FRYL: variants seen among roughly 807,000 people sequenced by gnomAD.
FRYL encodes protein furry homolog-like.
In FRYL, 150 loss-of-function variants were observed where a neutral mutation model predicts 351.2. The ratio of observed to expected loss-of-function variants is 0.43; its 90% confidence interval spans 0.37 to 0.49. The LOEUF (loss-of-function observed/expected upper bound fraction) is 0.49, where lower values mean the gene tolerates loss of function less well. Ranked by LOEUF, FRYL falls within the 20% of genes least tolerant of loss-of-function variation. The pLI is 0.00. For synonymous variants in FRYL, 1,153 were observed against 1,257.1 expected, an observed-to-expected ratio of 0.92 and a Z score of 1.75; for missense variants, 3,036 against 3,619.3, an observed-to-expected ratio of 0.84 and a Z score of 4.13.
At chr4:48,514,565 A>G (rs1723161462) in intron 56 of FRYL, among the ~76,000 whole-genome samples, 1 of 152,244 alleles carries the variant, frequency 6.6e-6, no homozygotes, top group African/African-American at 2.4e-5. Context: ...TCTAGCATCT[A>G]AGAAATAATT....
chr4:48,693,914 G>A lies in FRYL; in HGVS notation c.-203-9119C>T, dbSNP rs1404040906. ...ATTAAATAATCCAAATTCTCTTGGT[G>A]ACTAAATCGCATCTTGGTACCAAGT... On this transcript the variant is annotated intron_variant, in intron 2 of 63. Coordinates refer to ENST00000358350, the MANE Select transcript of FRYL (RefSeq NM_015030.2). Among the ~76,000 whole-genome samples the A allele has an allele frequency of 3.3e-5, 5 of 152,176 alleles. No individual in the cohort carries two copies. In the East Asian group the frequency reaches 9.6e-4, roughly 29 times the overall value.
In FRYL at chr4:48,565,643, A is replaced by T; in HGVS notation, c.3218T>A (p.Leu1073Gln). 6.2e-7 allele frequency: 1 copy of T among 1,613,962 alleles called. No homozygotes were observed. The change falls in exon 29 of 64, where the codon CTA becomes CAA. Residue 1073 changes from leucine (L) to glutamine (Q), a missense_variant. Transcript: ENST00000358350. ...IFPQQSLRHS[L>Q]FMLFSHWAGP... ...TGCCCAGTGACTGAACAGCATAAAT[A>T]GACTGTGACGAAGGCTCTGTTGAGG... is the stretch of plus-strand genomic sequence containing the variant.
chr4:48,504,340 G>A (rs73144660), intron 60 of FRYL, among the ~76,000 whole-genome samples: 1,972 of 152,148 alleles, frequency 0.013, 45 homozygotes, highest in African/African-American at 0.045. Flanking sequence ...TTTCCACTTC[G>A]TAGAAAACCT....
chr4:48,583,052 TAATC>T (rs1274105389), intron 19 of FRYL, among the ~76,000 whole-genome samples: 4 of 152,210 alleles, frequency 2.6e-5, no homozygotes, highest in African/African-American at 9.7e-5. Context: ...TGTTATCTTA[TAATC>T]AATCAAAAAT....
At chr4:48,543,765 T>C (rs1730738909) in intron 44 of FRYL, 42 bp downstream of exon 44, 2 of 1,552,648 alleles carry the variant, frequency 1.3e-6, no homozygotes, top group African/African-American at 1.4e-5. Context: ...CCTTGACAAC[T>C]AGTAGCTGCT....
chr4:48,606,445 A>T lies in FRYL; in HGVS notation c.734T>A (p.Phe245Tyr), dbSNP rs887778474. 3 of 1,607,386 alleles carry T rather than the reference A, an allele frequency of 1.9e-6. No individual in the cohort carries two copies. The African/African-American group carries it at 4.0e-5, about 22-fold the overall frequency. ...PVEDFEASFQ[F>Y]MQECAQYFLE... ...ATTTAGAAGGTATATCACCTGCATA[A>T]ATTGAAATGATGCTTCAAAATCTTC... The change falls in exon 10 of 64, where the codon TTT becomes TAT. Residue 245 changes from phenylalanine to tyrosine, a missense_variant. Phe to Tyr is a conservative substitution (Grantham distance 22, BLOSUM62 3). Around this residue, in one of 7 missense-constraint regions of FRYL, gnomAD observed 457 missense variants for 566.6 expected, o/e 0.81. Transcript: ENST00000358350.
rs1762812043 is a variant in FRYL, at chr4:48,671,882, A to AC, written c.-81+12790_-81+12791insG. Among the ~76,000 whole-genome samples the AC allele has an allele frequency of 4.0e-5, 6 of 148,204 alleles. 1 individual carries two copies. Among genetic ancestry groups the AC allele is most frequent in the African/African-American group, 1.5e-4 (6 of 40,744 alleles). On this transcript the variant is annotated intron_variant, in intron 3 of 63. Transcript: ENST00000358350. ...ACAAAAAAAAAAAAAACAAAAAAAAAAAAAAAAAAGAAGGAAAGACAGAAA... is the reference window on the plus strand; with the variant it reads ...ACAAAAAAAAAAAAAACAAAAAAAAACAAAAAAAAAGAAGGAAAGACAGAAA...
intron 1 of FRYL, among the ~76,000 whole-genome samples, chr4:48,712,928 C>A (rs1361225017): frequency 6.6e-6 from 1 of 152,174 alleles, no homozygotes; most frequent in Non-Finnish European, 1.5e-5. Context: ...CAATATTCAA[C>A]ATTTTTAAAG....
rs1451600215 is a variant in FRYL at position 48,593,941 on chromosome 4, T to C, written c.1324A>G (p.Ile442Val). The change falls in exon 16 of 64, where the codon ATT (isoleucine) becomes GTT (valine). Residue 442 changes from isoleucine (I) to valine (V), a missense_variant. By Grantham distance (29) the Ile-to-Val change is conservative. Transcript: ENST00000358350. The stretch of plus-strand genomic sequence containing the variant: ...TATAATTTTTTTACCTCTGGATTAA[T>C]GGTGAAAGTTTTAGTAGATTTTCCA... ...SVGKSTKTFT[I>V]NPERMNIGLR... The C allele has an allele frequency of 7.1e-7, 1 of 1,399,992 alleles. No individual in the cohort carries two copies. The highest frequency in any genetic ancestry group is 9.5e-7 in the Non-Finnish European group (1 of 1,050,326). The allele number at this position is 1,399,992 out of a possible 1,614,324, so 86.7% of individuals were successfully genotyped here. A position where few individuals can be genotyped will look rare whatever the true frequency, so the allele number is the denominator to read the frequency against.
chr4:48,692,540 A>G (rs1765768877), intron 2 of FRYL, among the ~76,000 whole-genome samples: 1 of 152,048 alleles, frequency 6.6e-6, no homozygotes, highest in Non-Finnish European at 1.5e-5. Flanking sequence ...CTACAGGCAC[A>G]TGCCACCACA....
intron 2 of FRYL, among the ~76,000 whole-genome samples, chr4:48,701,161 TA>T (rs1766673749): frequency 6.6e-6 from 1 of 152,196 alleles, no homozygotes; most frequent in African/African-American, 2.4e-5. Context: ...ATATTTCAGA[TA>T]ACAAAAATTC....
intron 3 of FRYL, among the ~76,000 whole-genome samples, chr4:48,644,319 C>T (rs567504609): frequency 6.6e-6 from 1 of 151,992 alleles, no homozygotes; most frequent in Admixed American, 6.6e-5. Flanking sequence ...GAAGAATAAA[C>T]ACTCAAGAAA....
At chr4:48,671,486 G>A (rs758683785) in intron 3 of FRYL, among the ~76,000 whole-genome samples, 6 of 151,934 alleles carry the variant, frequency 3.9e-5, no homozygotes, top group Admixed American at 6.6e-5. Flanking sequence ...TGGCCAACAC[G>A]GTGAAACCCC....
At chr4:48,656,868 G>T (rs995603336) in intron 3 of FRYL, among the ~76,000 whole-genome samples, 1 of 151,908 alleles carries the variant, frequency 6.6e-6, no homozygotes, top group African/African-American at 2.4e-5. Context: ...AGGTGACTAT[G>T]GCACTTCCCA....
intron 57 of FRYL, 71 bp downstream of exon 57, chr4:48,512,409 GA>G: frequency 1.6e-6 from 2 of 1,263,330 alleles, no homozygotes; most frequent in Non-Finnish European, 2.2e-6. Context: ...CGGAGATGCT[GA>G]TTTTAGAAGA....
At chr4:48,766,037 T>C (rs1372960632) in intron 1 of FRYL, among the ~76,000 whole-genome samples, 2 of 152,190 alleles carry the variant, frequency 1.3e-5, no homozygotes, top group East Asian at 3.8e-4. Context: ...GGTGGGAATG[T>C]AAATTGGTAC....
Position 48,497,933 on chromosome 4 carries a change from T to TA in FRYL, c.*1488dup, listed in dbSNP as rs1199370615. ...AGGGTCCACACCCCCCAAGAAAAGG[T>TA]AAAGCTAAGCATTTCATTTCTACAT... On this transcript the variant is annotated 3_prime_UTR_variant, in exon 64 of 64. Coordinates refer to ENST00000358350, the MANE Select transcript of FRYL (RefSeq NM_015030.2). The TA allele has an allele frequency of 6.6e-6, 1 of 152,556 alleles. No individual in the cohort carries two copies. The highest frequency in any genetic ancestry group is 1.5e-5 in the Non-Finnish European group (1 of 67,992). The allele number at this position is 152,556 out of a possible 1,614,324, so 9.5% of individuals were successfully genotyped here.
Position 48,581,497 on chromosome 4 carries a change from G to C in FRYL, c.2095C>G (p.Arg699Gly), listed in dbSNP as rs373325904. 8.1e-6 allele frequency: 13 copies of C among 1,613,882 alleles called. No individual in the cohort carries two copies. The highest frequency in any genetic ancestry group is 2.2e-5 in the East Asian group (1 of 44,860). ...GFALVILCSSRPATRRLAVSV... is the reference protein window; with the variant it reads ...GFALVILCSSGPATRRLAVSV... ...ACGGCTAGTCTCCTAGTGGCAGGTC[G>C]ACTGCTACAGAGAATGACAAGCGCA... Residue 699 changes from arginine (R) to glycine (G), a missense_variant, in exon 21 of 64, where the codon CGA (arginine) becomes GGA (glycine). Coordinates refer to ENST00000358350, the MANE Select transcript of FRYL (RefSeq NM_015030.2).
intron 2 of FRYL, among the ~76,000 whole-genome samples, chr4:48,708,083 G>C (rs1319113678): frequency 6.6e-6 from 1 of 151,802 alleles, no homozygotes; most frequent in South Asian, 2.1e-4. Context: ...GCCTCCCAAA[G>C]TGCTGGGATT....
Sources: gnomAD v4.1 joint callset for allele counts (sites outside exome capture counted in the v4.1 genomes callset) on GRCh38, gnomAD v4.1.1 for gene constraint, gnomAD v4.1.1 regional missense constraint, MANE v1.5 for transcripts, NCBI Gene and HGNC (gene_info 2026-07-23, HGNC 2026-07-21) for gene names.